NCAM2: variants seen among roughly 807,000 people sequenced by gnomAD.
NCAM2 encodes the protein neural cell adhesion molecule 2.
NCAM2 carries 30 observed loss-of-function variants against 98.1 expected under a neutral mutation model. The observed-to-expected ratio is 0.31, with a 90% CI of 0.23 to 0.41. NCAM2 has a LOEUF of 0.41. NCAM2 is among the 10% of genes least tolerant of loss of function. NCAM2 has a pLI of 1.00. For missense variants in NCAM2, 867 were observed against 1,005.8 expected (o/e 0.86, Z 1.87); for synonymous variants, 368 against 342.4 (o/e 1.07, Z -0.83).
At chr21:21,090,213 C>T (rs935340680) in intron 1 of NCAM2, among the ~76,000 whole-genome samples, 1 of 152,072 alleles carries the variant, frequency 6.6e-6, no homozygotes, top group African/African-American at 2.4e-5. Context: ...CTGCTTTTCT[C>T]TTATCTATTG....
intron 1 of NCAM2, among the ~76,000 whole-genome samples, chr21:21,168,146 T>A (rs2068011951): frequency 6.6e-6 from 1 of 152,098 alleles, no homozygotes; most frequent in Non-Finnish European, 1.5e-5. Context: ...TAAGTCTGGT[T>A]CAACATTTGA....
chr21:21,446,932 C>T (rs1040511754), intron 12 of NCAM2, among the ~76,000 whole-genome samples: 4 of 152,156 alleles, frequency 2.6e-5, no homozygotes, highest in African/African-American at 7.2e-5. Context: ...ACATTCCATT[C>T]TCATGGATAG....
chr21:21,226,039 A>G (rs1397136192), intron 1 of NCAM2, among the ~76,000 whole-genome samples: 1 of 152,072 alleles, frequency 6.6e-6, no homozygotes, highest in Non-Finnish European at 1.5e-5. Flanking sequence ...CATTTTCGTA[A>G]GCAAATTAAC....
At chr21:21,116,498 C>T (rs1766913387) in intron 1 of NCAM2, among the ~76,000 whole-genome samples, 1 of 152,150 alleles carries the variant, frequency 6.6e-6, no homozygotes, top group African/African-American at 2.4e-5. Flanking sequence ...TAAGGCCTTA[C>T]CAGTTAGGCG....
chr21:21,390,892 T>TA (rs1436199376), intron 9 of NCAM2, among the ~76,000 whole-genome samples: 1 of 152,206 alleles, frequency 6.6e-6, no homozygotes, highest in Non-Finnish European at 1.5e-5. Flanking sequence ...TTTGTGAAAA[T>TA]ATGCACACCT....
At chr21:21,111,817 A>G (rs930845731) in intron 1 of NCAM2, among the ~76,000 whole-genome samples, 2 of 152,048 alleles carry the variant, frequency 1.3e-5, no homozygotes, top group African/African-American at 4.8e-5. Context: ...GGAACATTCC[A>G]CTCCACTAAA....
chr21:21,331,183 C>T (rs2074667255), intron 6 of NCAM2, among the ~76,000 whole-genome samples: 1 of 151,912 alleles, frequency 6.6e-6, no homozygotes, highest in African/African-American at 2.4e-5. Flanking sequence ...TCTCGCTCTG[C>T]CACCTGGGCA....
intron 1 of NCAM2, among the ~76,000 whole-genome samples, chr21:21,072,731 T>A (rs2065598542): frequency 6.6e-6 from 1 of 152,160 alleles, no homozygotes; most frequent in African/African-American, 2.4e-5. Context: ...CTGCCCTATT[T>A]ATTTTAGTAT....
At chr21:21,514,067 A>T (rs1030176160) in intron 16 of NCAM2, among the ~76,000 whole-genome samples, 2 of 151,592 alleles carry the variant, frequency 1.3e-5, no homozygotes, top group Non-Finnish European at 1.5e-5. Flanking sequence ...TACATATATA[A>T]CCTGGGCTAT....
chr21:21,281,893 G>T (rs915449872), intron 2 of NCAM2, among the ~76,000 whole-genome samples: 4 of 151,390 alleles, frequency 2.6e-5, no homozygotes, highest in Admixed American at 6.6e-5. Flanking sequence ...ATAAATAAAA[G>T]ATATAGTTAT....
intron 1 of NCAM2, among the ~76,000 whole-genome samples, chr21:21,033,864 C>T (rs1469747147): frequency 6.6e-6 from 1 of 152,122 alleles, no homozygotes; most frequent in African/African-American, 2.4e-5. Flanking sequence ...CTTTTCTGAA[C>T]TATCCCCATC....
At chr21:21,066,303 T>C (rs986912801) in intron 1 of NCAM2, among the ~76,000 whole-genome samples, 5 of 152,182 alleles carry the variant, frequency 3.3e-5, no homozygotes, top group East Asian at 1.9e-4. Flanking sequence ...ACAATGGAGA[T>C]TGGTGTTTTA....
chr21:21,212,921 T>C (rs1475904989), intron 1 of NCAM2, among the ~76,000 whole-genome samples: 1 of 151,924 alleles, frequency 6.6e-6, no homozygotes, highest in Non-Finnish European at 1.5e-5. Context: ...TTTTTGTATT[T>C]TTAGTAGAGA....
In NCAM2 at chr21:21,306,017, G is replaced by T. The variant is rs577441449; in HGVS notation, c.619+13776G>T. Among the ~76,000 whole-genome samples the T allele has an allele frequency of 1.5e-3, 226 of 152,186 alleles. 2 individuals are homozygous for T. The highest frequency in any genetic ancestry group is 5.3e-3 in the African/African-American group (219 of 41,538). Reference sequence around the variant, plus strand: ...TATTTATCCCATGAAACATTTAGAAGTATGCACTTAGCTTCCAATTATATG... The same window carrying T: ...TATTTATCCCATGAAACATTTAGAATTATGCACTTAGCTTCCAATTATATG... On this transcript the variant is annotated intron_variant, in intron 5 of 17. Transcript: ENST00000400546.
intron 12 of NCAM2, among the ~76,000 whole-genome samples, chr21:21,435,332 A>G (rs1291585895): frequency 6.6e-6 from 1 of 152,162 alleles, no homozygotes; most frequent in Non-Finnish European, 1.5e-5. Context: ...ATTGCGATGC[A>G]AATATCATAT....
intron 1 of NCAM2, among the ~76,000 whole-genome samples, chr21:21,014,393 C>T (rs2064267358): frequency 1.4e-5 from 2 of 147,052 alleles, no homozygotes; most frequent in South Asian, 2.1e-4. Context: ...TATTGCACTC[C>T]AGCCTGGGCA....
chr21:21,123,576 G>T (rs2066722921), intron 1 of NCAM2, among the ~76,000 whole-genome samples: 1 of 152,064 alleles, frequency 6.6e-6, no homozygotes, highest in South Asian at 2.1e-4. Context: ...CTGCAATGTT[G>T]TAAGATGCTA....
intron 6 of NCAM2, among the ~76,000 whole-genome samples, chr21:21,331,941 C>T (rs1445519744): frequency 6.6e-6 from 1 of 151,330 alleles, no homozygotes; most frequent in Non-Finnish European, 1.5e-5. Flanking sequence ...CTAGCCCTGT[C>T]GTCCAGGCTG....
intron 1 of NCAM2, among the ~76,000 whole-genome samples, chr21:21,178,123 G>A (rs2068353915): frequency 6.6e-6 from 1 of 152,060 alleles, no homozygotes. Flanking sequence ...TTGACAATTA[G>A]TTACAAAATA....
Sources: allele counts gnomAD v4.1 joint callset (sites outside exome capture counted in the v4.1 genomes callset), GRCh38; gene constraint gnomAD v4.1.1; transcripts MANE v1.5; gene names NCBI Gene and HGNC (gene_info 2026-07-23, HGNC 2026-07-21).